Variants in ERO1B observed in about 807,000 individuals in gnomAD.
ERO1B encodes the protein ERO1-like protein beta.
A neutral mutation model predicts 75.3 loss-of-function variants in ERO1B; 49 were observed. The ratio of observed to expected loss-of-function variants is 0.65; its 90% CI spans 0.52 to 0.83. The LOEUF (loss-of-function observed/expected upper bound fraction) is 0.83, where lower values mean the gene tolerates loss of function less well. Ranked by LOEUF, ERO1B falls within the 40% of genes least tolerant of loss-of-function variation. ERO1B has a pLI of 0.00. For synonymous variants in ERO1B, 191 were observed against 192.9 expected, an observed-to-expected ratio of 0.99 and a Z score of 0.08; for missense variants, 512 against 560.1, an observed-to-expected ratio of 0.91 and a Z score of 0.87.
chr1:236,239,284 T>A lies in ERO1B; in HGVS notation c.506-2886A>T, dbSNP rs116650937. ...GTGCCAAATCTGGCCTGCTGCTTAT[T>A]TTTGTAAATAAAGTTTTCATGGAAC... On this transcript the variant is annotated intron_variant, in intron 6 of 15. Coordinates refer to ENST00000354619, the MANE Select transcript of ERO1B (RefSeq NM_019891.4). Among the ~76,000 whole-genome samples the A allele has an allele frequency of 2.7e-3, 418 of 152,334 alleles. 2 individuals are homozygous for A. The highest frequency in any genetic ancestry group is 9.7e-3 in the African/African-American group (402 of 41,574).
Position 236,238,226 on chromosome 1 carries a change from T to C in ERO1B, c.506-1828A>G, listed in dbSNP as rs180679452. On this transcript the variant is annotated intron_variant, in intron 6 of 15. Transcript: ENST00000354619. ...ACTGGCTCTATTTCTAGCTCTAAAT[T>C]TGTAAAGATACTCCACTATAAAAAG... is the stretch of plus-strand genomic sequence containing the variant. Among the ~76,000 whole-genome samples, 134 of 152,290 alleles carry C rather than the reference T, an allele frequency of 8.8e-4. 2 individuals carry two copies. The South Asian group carries it at 0.01, about 12-fold the overall frequency.
intron 5 of ERO1B, among the ~76,000 whole-genome samples, chr1:236,245,259 T>A (rs1219006229): frequency 7.1e-6 from 1 of 139,938 alleles, no homozygotes; most frequent in Non-Finnish European, 1.5e-5. Flanking sequence ...CCTCCCAAAG[T>A]GCTGGGAGTA....
chr1:236,256,281 T>G (rs1749569), intron 2 of ERO1B, among the ~76,000 whole-genome samples: 37,633 of 151,976 alleles, frequency 0.25, 4,815 homozygotes, highest in East Asian at 0.38. Context: ...GAAGGGGATA[T>G]TCCCTGTGTC....
chr1:236,237,656 T>C (rs932217532), intron 6 of ERO1B, among the ~76,000 whole-genome samples: 1 of 152,164 alleles, frequency 6.6e-6, no homozygotes, highest in Non-Finnish European at 1.5e-5. Flanking sequence ...ATTTAAACAA[T>C]AGTACAGAGG....
intron 6 of ERO1B, among the ~76,000 whole-genome samples, chr1:236,239,510 G>A (rs1361325723): frequency 6.6e-6 from 1 of 151,910 alleles, no homozygotes; most frequent in Non-Finnish European, 1.5e-5. Flanking sequence ...GTGGCAGAAA[G>A]CATCTACAGG....
chr1:236,216,488 ATTTAT>A lies in ERO1B; in HGVS notation c.*2023_*2027del, dbSNP rs1663982192. On this transcript the variant is annotated 3_prime_UTR_variant, in exon 16 of 16. Transcript: ENST00000354619. ...ATGAATTTCAGCCTAAGAATACTTC[ATTTAT>A]TTTCTTAGTTGTGAAAAAATTAGTT... The A allele has an allele frequency of 6.6e-6, 1 of 152,126 alleles. No individual in the cohort carries two copies. The highest frequency in any genetic ancestry group is 1.5e-5 in the Non-Finnish European group (1 of 67,996). 9.4% of individuals were successfully genotyped at this position (152,126 alleles called of 1,614,324 possible).
At chr1:236,243,050 T>TCC (rs895020640) in intron 6 of ERO1B, among the ~76,000 whole-genome samples, 1 of 152,350 alleles carries the variant, frequency 6.6e-6, no homozygotes, top group South Asian at 2.1e-4. Flanking sequence ...CAATTGAAGG[T>TCC]CCATGGCAGA....
Position 236,267,338 on chromosome 1 carries a change from C to T in ERO1B, c.222+2537G>A, listed in dbSNP as rs574033728. Among the ~76,000 whole-genome samples, 5 of 152,240 alleles carry T rather than the reference C, an allele frequency of 3.3e-5. No individual in the cohort carries two copies. In the East Asian group the frequency reaches 7.7e-4, roughly 23 times the overall value. The stretch of plus-strand genomic sequence containing the variant: ...TTTTGTTTGTTAGCCAACAAAAATA[C>T]CCTACCTGGAATACCTAAACTATTA... On this transcript the variant is annotated intron_variant, in intron 2 of 15. Coordinates refer to ENST00000354619, the MANE Select transcript of ERO1B (RefSeq NM_019891.4).
rs899952367 is a variant in ERO1B, at chr1:236,217,519, T to C, written c.*997A>G. 1 of 152,550 alleles carries C rather than the reference T, an allele frequency of 6.6e-6. No individual in the cohort carries two copies. The highest frequency in any genetic ancestry group is 2.4e-5 in the African/African-American group (1 of 41,434). The allele number at this position is 152,550 out of a possible 1,614,324, so 9.4% of individuals were successfully genotyped here. ...GGAAAAGCACACTGAGTTCGAGGAT[T>C]GCATAGATTGTATTCTAAAATAAAT... On this transcript the variant is annotated 3_prime_UTR_variant, in exon 16 of 16. Transcript: ENST00000354619.
At chr1:236,220,028 T>TAAAAAA (rs749126308) in intron 15 of ERO1B, 2 of 33,966 alleles carry the variant, frequency 5.9e-5, no homozygotes, top group African/African-American at 2.1e-4. Context: ...TCATCTCTTT[T>TAAAAAA]AAAAAAAAAA....
chr1:236,268,657 C>T (rs1049501367), intron 2 of ERO1B, among the ~76,000 whole-genome samples: 93 of 151,880 alleles, frequency 6.1e-4, no homozygotes, highest in African/African-American at 1.4e-3. Context: ...GAGGCCAAGG[C>T]GGGCGGATCA....
chr1:236,223,751 T>C (rs1308581455), intron 13 of ERO1B, among the ~76,000 whole-genome samples: 1 of 152,158 alleles, frequency 6.6e-6, no homozygotes, highest in African/African-American at 2.4e-5. Flanking sequence ...ATTCTGAAGA[T>C]TAAAAGTAGA....
chr1:236,254,333 C>T (rs1034079982), intron 2 of ERO1B, among the ~76,000 whole-genome samples: 7 of 152,174 alleles, frequency 4.6e-5, no homozygotes, highest in Non-Finnish European at 1.0e-4. Context: ...TCACCACCTA[C>T]CTCTTGCCTA....
chr1:236,224,482 A>AAAAT (rs35000494), intron 13 of ERO1B, among the ~76,000 whole-genome samples: 65 of 150,470 alleles, frequency 4.3e-4, no homozygotes, highest in African/African-American at 1.4e-3. Flanking sequence ...AAAAAAAAAA[A>AAAAT]TGCCAATTTC....
chr1:236,251,717 A>G (rs979167915), intron 4 of ERO1B, among the ~76,000 whole-genome samples: 4 of 152,180 alleles, frequency 2.6e-5, no homozygotes, highest in Non-Finnish European at 4.4e-5. Context: ...ACTCTATACA[A>G]TATAATTCTG....
At chr1:236,237,280 T>C (rs145630973) in intron 6 of ERO1B, among the ~76,000 whole-genome samples, 35 of 152,070 alleles carry the variant, frequency 2.3e-4, no homozygotes, top group African/African-American at 8.0e-4. Flanking sequence ...CCACCATGTC[T>C]GGCTTTTTGT....
chr1:236,255,585 G>T lies in ERO1B; in HGVS notation c.223-2080C>A, dbSNP rs541320399. ...AAGTAAACAATATCTATATTACAGA[G>T]AAGAAGGCAAAAATAGGTAGATTGG... On this transcript the variant is annotated intron_variant, in intron 2 of 15. Coordinates refer to ENST00000354619, the MANE Select transcript of ERO1B (RefSeq NM_019891.4). Among the ~76,000 whole-genome samples the T allele has an allele frequency of 7.2e-5, 11 of 152,228 alleles. No homozygotes were observed. In the South Asian group the frequency reaches 2.3e-3, roughly 32 times the overall value.
chr1:236,245,844 G>A (rs976294111), intron 5 of ERO1B, among the ~76,000 whole-genome samples: 7 of 150,980 alleles, frequency 4.6e-5, no homozygotes, highest in Non-Finnish European at 8.9e-5. Flanking sequence ...CCCCTGCCTC[G>A]GCCTCCCAAA....
chr1:236,259,066 CTATACAAGA>C (rs2102960262), intron 2 of ERO1B, among the ~76,000 whole-genome samples: 1 of 152,104 alleles, frequency 6.6e-6, no homozygotes, highest in South Asian at 2.1e-4. Flanking sequence ...ACTATACAAA[CTATACAAGA>C]TATAAGACAT....
Sources: allele counts gnomAD v4.1 joint callset (sites outside exome capture counted in the v4.1 genomes callset), GRCh38; gene constraint gnomAD v4.1.1; transcripts MANE v1.5; gene names NCBI Gene and HGNC (gene_info 2026-07-23, HGNC 2026-07-21).